Variants in FTO observed in about 807,000 individuals in gnomAD.
FTO encodes the protein FTO alpha-ketoglutarate dependent dioxygenase, also known as alpha-ketoglutarate-dependent dioxygenase FTO.
Under a neutral mutation model 63.9 loss-of-function variants are expected in FTO, and 47 were observed. That is an observed-to-expected ratio of 0.74 (90% confidence interval 0.58 to 0.94). FTO has a LOEUF of 0.94. Among genes scored for constraint, FTO ranks in the 40% least tolerant of loss-of-function variants. The probability of loss-of-function intolerance (pLI) is 0.00; values close to 1 mark genes in which losing one functional copy is unlikely to be tolerated. For missense variants in FTO, 562 were observed against 618.1 expected (o/e 0.91, Z 0.96); for synonymous variants, 207 against 224.4 (o/e 0.92, Z 0.69).
intron 8 of FTO, among the ~76,000 whole-genome samples, chr16:54,017,733 A>G (rs987566146): frequency 6.6e-6 from 1 of 152,138 alleles, no homozygotes; most frequent in Non-Finnish European, 1.5e-5. Flanking sequence ...TCAGAGTTTA[A>G]AAGAAAAATC....
chr16:53,875,950 A>T (rs962666321), intron 5 of FTO, among the ~76,000 whole-genome samples: 1 of 152,224 alleles, frequency 6.6e-6, no homozygotes, highest in Admixed American at 6.5e-5. Context: ...CGGCCTCCCA[A>T]AGTGCTGGGA....
At chr16:53,992,916 T>G (rs1276452250) in intron 8 of FTO, 6 of 152,176 alleles carry the variant, frequency 3.9e-5, no homozygotes, top group Non-Finnish European at 7.3e-5. Flanking sequence ...CAACAGTGAT[T>G]TAGACAAATC....
chr16:53,935,053 A>G (rs900066293), intron 8 of FTO, among the ~76,000 whole-genome samples: 1 of 152,200 alleles, frequency 6.6e-6, no homozygotes, highest in Admixed American at 6.5e-5. Context: ...TTTGAAAAAC[A>G]GTTGATATGT....
intron 8 of FTO, among the ~76,000 whole-genome samples, chr16:54,002,322 A>C (rs1363006627): frequency 2.0e-5 from 3 of 152,174 alleles, no homozygotes; most frequent in Non-Finnish European, 4.4e-5. Context: ...GTCTGGCCAC[A>C]ATACACACTT....
At chr16:53,956,472 G>A (rs1183244806) in intron 8 of FTO, among the ~76,000 whole-genome samples, 2 of 152,038 alleles carry the variant, frequency 1.3e-5, no homozygotes, top group Non-Finnish European at 2.9e-5. Context: ...AGGAGAAGAG[G>A]AAAATTAGTG....
intron 1 of FTO, among the ~76,000 whole-genome samples, chr16:53,723,236 CATCA>C (rs2076081791): frequency 6.6e-6 from 1 of 152,176 alleles, no homozygotes; most frequent in Non-Finnish European, 1.5e-5. Flanking sequence ...TCCACCTTGC[CATCA>C]ATAGCATGTC....
At chr16:53,811,682 C>T (rs771860455) in intron 2 of FTO, among the ~76,000 whole-genome samples, 6 of 152,174 alleles carry the variant, frequency 3.9e-5, no homozygotes, top group Non-Finnish European at 8.8e-5. Flanking sequence ...TTTTCAGCCT[C>T]ATCTCCCCTG....
chr16:53,948,019 G>A (rs957057456), intron 8 of FTO, among the ~76,000 whole-genome samples: 23 of 152,122 alleles, frequency 1.5e-4, no homozygotes, highest in Admixed American at 1.2e-3. Context: ...TGAGTGACGC[G>A]TACACAAACA....
In FTO at chr16:54,087,730, G is replaced by C. The variant is rs550300453; in HGVS notation, c.1365-24032G>C. Among the ~76,000 whole-genome samples, 5 of 152,322 alleles carry C rather than the reference G, an allele frequency of 3.3e-5. No homozygotes were observed. The East Asian group carries it at 9.7e-4, about 29-fold the overall frequency. On this transcript the variant is annotated intron_variant, in intron 8 of 8. Transcript: ENST00000471389. ...AGGCAGGAGGATTGCTTGAGCCCTG[G>C]AGTTCACAGTGAGCTATGATCACGC...
At chr16:53,785,242 G>A (rs1053746509) in intron 1 of FTO, among the ~76,000 whole-genome samples, 1 of 152,136 alleles carries the variant, frequency 6.6e-6, no homozygotes, top group Non-Finnish European at 1.5e-5. Flanking sequence ...CATATGAAGA[G>A]GGATTTTTTT....
intron 8 of FTO, among the ~76,000 whole-genome samples, chr16:53,955,133 A>G (rs1439504575): frequency 3.3e-5 from 5 of 152,210 alleles, no homozygotes; most frequent in South Asian, 2.1e-4. Context: ...AGCATTGACC[A>G]TATGGGTCCT....
At chr16:53,923,091 A>T (rs2082046107) in intron 7 of FTO, 1 of 152,202 alleles carries the variant, frequency 6.6e-6, no homozygotes, top group Non-Finnish European at 1.5e-5. Flanking sequence ...AAACAGAGGG[A>T]GAAAGAAGAA....
chr16:53,831,728 G>A (rs1437905724), intron 3 of FTO, among the ~76,000 whole-genome samples: 1 of 152,190 alleles, frequency 6.6e-6, no homozygotes, highest in African/African-American at 2.4e-5. Flanking sequence ...TGTTAAAGGG[G>A]TAACATTTAA....
chr16:53,915,110 T>C (rs541160495), intron 7 of FTO, among the ~76,000 whole-genome samples: 1 of 152,342 alleles, frequency 6.6e-6, no homozygotes, highest in East Asian at 1.9e-4. Context: ...TAAGACGGTA[T>C]GCTTACTTAT....
chr16:53,769,459 A>G (rs938839216), intron 1 of FTO, among the ~76,000 whole-genome samples: 18 of 152,206 alleles, frequency 1.2e-4, no homozygotes, highest in Admixed American at 3.3e-4. Flanking sequence ...GAGCATTGTT[A>G]TGAAGATCAA....
At chr16:53,905,152 T>C (rs1444966177) in intron 7 of FTO, among the ~76,000 whole-genome samples, 1 of 152,070 alleles carries the variant, frequency 6.6e-6, no homozygotes, top group Non-Finnish European at 1.5e-5. Context: ...TATCTCATGC[T>C]ATGTTGTAAA....
chr16:54,060,160 G>C (rs1226560598), intron 8 of FTO, among the ~76,000 whole-genome samples: 1 of 152,134 alleles, frequency 6.6e-6, no homozygotes, highest in Non-Finnish European at 1.5e-5. Flanking sequence ...GAGAATTAAG[G>C]ATAGTGATGG....
intron 7 of FTO, among the ~76,000 whole-genome samples, chr16:53,908,779 A>C (rs1336118655): frequency 2.6e-5 from 4 of 152,102 alleles, no homozygotes; most frequent in Admixed American, 6.5e-5. Flanking sequence ...CCCAGGGTAG[A>C]TCCCCCTTGG....
intron 8 of FTO, among the ~76,000 whole-genome samples, chr16:54,102,275 A>G (rs1410107702): frequency 6.6e-6 from 1 of 152,222 alleles, no homozygotes; most frequent in Non-Finnish European, 1.5e-5. Flanking sequence ...ACCAAAAGCA[A>G]TCATAACAAG....
Sources: allele counts gnomAD v4.1 joint callset (sites outside exome capture counted in the v4.1 genomes callset), GRCh38; gene constraint gnomAD v4.1.1; transcripts MANE v1.5; gene names NCBI Gene and HGNC (gene_info 2026-07-23, HGNC 2026-07-21).